ODAD3: variants seen among roughly 807,000 people sequenced by gnomAD.
ODAD3 encodes outer dynein arm docking complex subunit 3.
ODAD3 carries 57 observed loss-of-function variants against 70.9 expected under a neutral mutation model. The observed-to-expected ratio is 0.80, with a 90% CI of 0.65 to 1.00. ODAD3 has a LOEUF of 1.00. Ranked by LOEUF, ODAD3 falls within the 50% of genes least tolerant of loss-of-function variation. The pLI, the probability that ODAD3 is intolerant of heterozygous loss-of-function variation, is 0.00. For synonymous variants in ODAD3, 327 were observed against 315.9 expected, an observed-to-expected ratio of 1.04 and a Z score of -0.37; for missense variants, 797 against 763.9, an observed-to-expected ratio of 1.04 and a Z score of -0.51.
Position 11,420,713 on chromosome 19 carries a change from T to C in ODAD3, c.*122A>G. Reference sequence around the variant, plus strand: ...CCCCTTCCTCCCCTCCGGGCGCCGCTGGCCGCCTCCGTTCCCGGTCCGGGC... The same window carrying C: ...CCCCTTCCTCCCCTCCGGGCGCCGCCGGCCGCCTCCGTTCCCGGTCCGGGC... On this transcript the variant is annotated 3_prime_UTR_variant, in exon 13 of 13. Coordinates refer to ENST00000356392, the MANE Select transcript of ODAD3 (RefSeq NM_145045.5). The C allele has an allele frequency of 1.3e-6, 1 of 787,424 alleles. No homozygotes were observed. Among genetic ancestry groups the C allele is most frequent in the South Asian group, 1.6e-5 (1 of 63,570 alleles). 48.8% of individuals were successfully genotyped at this position (787,424 alleles called of 1,614,324 possible).
In ODAD3 at chr19:11,430,687, G is replaced by T. The variant is rs747036206; in HGVS notation, c.444+12C>A. 6.2e-7 allele frequency: 1 copy of T among 1,613,966 alleles called. No homozygotes were observed. Among genetic ancestry groups the T allele is most frequent in the Non-Finnish European group, 8.5e-7 (1 of 1,179,908 alleles). On this transcript the variant is annotated intron_variant, in intron 3 of 12. Transcript: ENST00000356392. ...GGAAATGAAGGAGGAGGTGGGGCGAGGGTGGGCAAACCTGTCCTGTCCTGT... is the reference window on the plus strand; with the variant it reads ...GGAAATGAAGGAGGAGGTGGGGCGATGGTGGGCAAACCTGTCCTGTCCTGT...
Position 11,420,671 on chromosome 19 carries a change from G to C in ODAD3, c.*164C>G. The C allele has an allele frequency of 1.6e-6, 1 of 615,642 alleles. No individual in the cohort carries two copies. The highest frequency in any genetic ancestry group is 2.9e-6 in the Non-Finnish European group (1 of 348,166). 38.1% of individuals were successfully genotyped at this position (615,642 alleles called of 1,614,324 possible). On this transcript the variant is annotated 3_prime_UTR_variant, in exon 13 of 13. Coordinates refer to ENST00000356392, the MANE Select transcript of ODAD3 (RefSeq NM_145045.5). ...GGACCCAGCTGGGGAGATTTACTGT[G>C]GGAACGTCTGGCCCGGCCCCTTCCT...
intron 11 of ODAD3, 51 bp downstream of exon 11, chr19:11,421,626 C>CT: frequency 6.4e-7 from 1 of 1,562,586 alleles, no homozygotes; most frequent in Non-Finnish European, 8.7e-7. Flanking sequence ...GGTTTTCCGA[C>CT]CCAGCCCTAC....
chr19:11,434,218 A>C lies in ODAD3; in HGVS notation c.244+555T>G, dbSNP rs1239221352. 3.7e-4 allele frequency among the ~76,000 whole-genome samples: 50 copies of C among 133,766 alleles called. 2 individuals are homozygous for C. Among genetic ancestry groups the C allele is most frequent in the African/African-American group, 1.1e-3 (36 of 32,738 alleles). 87.8% of individuals were successfully genotyped at this position (133,766 alleles called of 152,430 possible). ...ACAGAGCAAGACCCTGTCTCAAAAAACAAAAAACAAAACAAAAAAAAACGC... is the reference window on the plus strand; with the variant it reads ...ACAGAGCAAGACCCTGTCTCAAAAACCAAAAAACAAAACAAAAAAAAACGC... On this transcript the variant is annotated intron_variant, in intron 1 of 12. Transcript: ENST00000356392.
chr19:11,435,075 C>T lies in ODAD3; in HGVS notation c.-59G>A. The T allele has an allele frequency of 6.5e-7, 1 of 1,536,908 alleles. No homozygotes were observed. Among genetic ancestry groups the T allele is most frequent in the Non-Finnish European group, 8.7e-7 (1 of 1,146,248 alleles). On this transcript the variant is annotated 5_prime_UTR_variant, in exon 1 of 13. Coordinates refer to ENST00000356392, the MANE Select transcript of ODAD3 (RefSeq NM_145045.5). Reference sequence around the variant, plus strand: ...GGGGGATAACTAGGAGTCAGTCGCCCCTGTCAGGGATCCGTCAGCTCGGAT... The same window carrying T: ...GGGGGATAACTAGGAGTCAGTCGCCTCTGTCAGGGATCCGTCAGCTCGGAT...
chr19:11,432,143 A>C (rs941795331), intron 1 of ODAD3, among the ~76,000 whole-genome samples: 2 of 152,118 alleles, frequency 1.3e-5, no homozygotes, highest in Non-Finnish European at 2.9e-5. Flanking sequence ...AAAAAACCCC[A>C]AAATCCTTCC....
At position 11,434,936 on chromosome 19, in the gene ODAD3, G is replaced by T. The variant is rs771013314; in HGVS notation, c.81C>A (p.Val27=). The change falls in exon 1 of 13, where the codon GTC becomes GTA. Residue 27 remains valine, a synonymous_variant. Transcript: ENST00000356392. ...GTTTGCCCGAAGCCTCCCTGCCCTT[G>T]ACCCTGGAAGAGGGCGTCGAAGCCT... ...QDQASTPSSR[V]KGREASGKPS... is the part of the protein sequence containing the mutation. 2 of 1,613,988 alleles carry T rather than the reference G, an allele frequency of 1.2e-6. No individual in the cohort carries two copies. The highest frequency in any genetic ancestry group is 1.7e-5 in the Admixed American group (1 of 60,032).
intron 11 of ODAD3, 24 bp from the exon 12 acceptor site, chr19:11,421,236 G>C (rs757931277): frequency 1.2e-6 from 2 of 1,604,590 alleles, no homozygotes; most frequent in East Asian, 4.5e-5. Context: ...GGAAGCGAGA[G>C]AGGAAGGTGG....
Position 11,422,876 on chromosome 19 carries a change from GCC to G in ODAD3, c.1117-17_1117-16del. The stretch of plus-strand genomic sequence containing the variant: ...CGCACCAACGACTGCGGGCCACCCA[GCC>G]CCAGTCAGAGCCAGGGCCTAGGGAG... On this transcript the variant is annotated splice_polypyrimidine_tract_variant and intron_variant, in intron 8 of 12. Coordinates refer to ENST00000356392, the MANE Select transcript of ODAD3 (RefSeq NM_145045.5). The surrounding 1 kb of genome is among the most constrained non-coding windows in gnomAD (Gnocchi z 4.6). 6.3e-7 allele frequency: 1 copy of G among 1,599,712 alleles called. No homozygotes were observed. Among genetic ancestry groups the G allele is most frequent in the Non-Finnish European group, 8.5e-7 (1 of 1,179,016 alleles).
chr19:11,435,179 C>T (rs1455652588), upstream of ODAD3: 3 of 1,429,762 alleles, frequency 2.1e-6, no homozygotes, highest in East Asian at 5.0e-5. Context: ...GTAACCGCCT[C>T]CCCGTCTCTC....
At chr19:11,423,679 G>A (rs890232620) in intron 8 of ODAD3, among the ~76,000 whole-genome samples, 198 bp downstream of exon 8, 7 of 152,078 alleles carry the variant, frequency 4.6e-5, no homozygotes, top group African/African-American at 1.2e-4. Context: ...GGGTTTTGCT[G>A]CGAAGGGCAG....
rs1969264456 is a variant in ODAD3, at chr19:11,425,068, T to C, written c.964-1039A>G. ...GTGTATATATGTGTATATGTGTATA[T>C]ATGTATATGTGTATATGTACATATG... On this transcript the variant is annotated intron_variant, in intron 7 of 12. Coordinates refer to ENST00000356392, the MANE Select transcript of ODAD3 (RefSeq NM_145045.5). 1.5e-5 allele frequency among the ~76,000 whole-genome samples: 2 copies of C among 129,546 alleles called. 1 individual carries two copies. The highest frequency in any genetic ancestry group is 3.0e-5 in the Non-Finnish European group (2 of 65,812). The allele number at this position is 129,546 out of a possible 152,430, so 85.0% of individuals were successfully genotyped here.
In ODAD3 at chr19:11,423,972, C is replaced by A. The variant is rs1408368135; in HGVS notation, c.1021G>T (p.Ala341Ser). Residue 341 changes from alanine to serine, a missense_variant, in exon 8 of 13, where the codon GCC (alanine) becomes TCC (serine). Physicochemically the swap from Ala to Ser is moderately conservative, Grantham distance 99. Transcript: ENST00000356392. ...SDDTIQDSLHAKEEELRQRWS... is the reference protein window; with the variant it reads ...SDDTIQDSLHSKEEELRQRWS... ...CGCTGCCGCAGCTCCTCCTCCTTGG[C>A]ATGCAGGCTGTCCTGGATGGTGTCG... is the stretch of plus-strand genomic sequence containing the variant. 3 of 1,613,202 alleles carry A rather than the reference C, an allele frequency of 1.9e-6. No homozygotes were observed. The highest frequency in any genetic ancestry group is 2.5e-6 in the Non-Finnish European group (3 of 1,179,978).
upstream of ODAD3, chr19:11,435,552 T>G (rs1233416502): frequency 1.6e-6 from 1 of 622,476 alleles, no homozygotes; most frequent in Non-Finnish European, 2.5e-6. Flanking sequence ...CACTCCTGCC[T>G]CTCCCAACAT....
rs1057209878 is a variant in ODAD3, at chr19:11,425,655, A to G, written c.963+489T>C. On this transcript the variant is annotated intron_variant, in intron 7 of 12. Transcript: ENST00000356392. ...TATGTATATATATGTATATACGTAT[A>G]TATATATATATATATGCAAAAAAAA... 3.7e-3 allele frequency among the ~76,000 whole-genome samples: 431 copies of G among 115,614 alleles called. 5 individuals carry two copies. Among genetic ancestry groups the G allele is most frequent in the Admixed American group, 5.6e-3 (72 of 12,844 alleles). 75.8% of individuals were successfully genotyped at this position (115,614 alleles called of 152,430 possible). A position where few individuals can be genotyped will look rare whatever the true frequency, so the allele number is the denominator to read the frequency against.
rs771026924 is a variant in ODAD3 at position 11,423,957 on chromosome 19, G to C, written c.1036C>G (p.Leu346Val). ...QDSLHAKEEE[L>V]RQRWSMYQME... ...TGGTACATGCTCCAGCGCTGCCGCAGCTCCTCCTCCTTGGCATGCAGGCTG... is the reference window on the plus strand; with the variant it reads ...TGGTACATGCTCCAGCGCTGCCGCACCTCCTCCTCCTTGGCATGCAGGCTG... The change falls in exon 8 of 13, where the codon CTG (leucine) becomes GTG (valine). Residue 346 changes from leucine to valine, a missense_variant. Coordinates refer to ENST00000356392, the MANE Select transcript of ODAD3 (RefSeq NM_145045.5). The C allele has an allele frequency of 3.1e-6, 5 of 1,613,348 alleles. 1 individual carries two copies. Among genetic ancestry groups the C allele is most frequent in the South Asian group, 1.1e-5 (1 of 91,082 alleles).
At chr19:11,429,126 G>C (rs1233877161) in intron 3 of ODAD3, among the ~76,000 whole-genome samples, 1 of 151,926 alleles carries the variant, frequency 6.6e-6, no homozygotes, top group South Asian at 2.1e-4. Flanking sequence ...TGATCCGCCC[G>C]CCTCAGCCTC....
upstream of ODAD3, chr19:11,435,235 C>G (rs931472919): frequency 1.4e-6 from 2 of 1,389,682 alleles, no homozygotes; most frequent in African/African-American, 2.9e-5. Flanking sequence ...GCTGACACTG[C>G]GTTCTCATTG....
chr19:11,425,603 G>GCATATACGCA (rs563479730), intron 7 of ODAD3, among the ~76,000 whole-genome samples: 2 of 113,746 alleles, frequency 1.8e-5, no homozygotes, highest in African/African-American at 1.2e-4. Flanking sequence ...GTGTATATAT[G>GCATATACGCA]TGTGTGTATA....
Sources: gnomAD v4.1 joint callset for allele counts (sites outside exome capture counted in the v4.1 genomes callset) on GRCh38, gnomAD v4.1.1 for gene constraint, Gnocchi (gnomAD v3.1) non-coding constraint, MANE v1.5 for transcripts, NCBI Gene and HGNC (gene_info 2026-07-23, HGNC 2026-07-21) for gene names.